The following AUTS2 variants were observed in gnomAD, a reference collection of about 807,000 sequenced individuals.
The protein encoded by AUTS2 is activator of transcription and developmental regulator AUTS2, also known as autism susceptibility gene 2 protein.
Under a neutral mutation model 112.4 loss-of-function variants are expected in AUTS2, and 17 were observed. That is an observed-to-expected ratio of 0.15 (90% CI 0.10 to 0.23). AUTS2 has a LOEUF of 0.23. Ranked by LOEUF, AUTS2 falls within the 10% of genes least tolerant of loss-of-function variation. The pLI is 1.00. For synonymous variants in AUTS2, 751 were observed against 702.7 expected (o/e 1.07, Z -1.09); for missense variants, 1,510 against 1,701.6 (o/e 0.89, Z 1.98).
chr7:69,656,006 G>A (rs1034811709), intron 1 of AUTS2, among the ~76,000 whole-genome samples: 27 of 152,228 alleles, frequency 1.8e-4, no homozygotes, highest in Admixed American at 1.6e-3. Flanking sequence ...TATGCTCATC[G>A]TTGTCAAGAA....
At chr7:69,903,265 G>A (rs756575785) in intron 2 of AUTS2, among the ~76,000 whole-genome samples, 1 of 152,124 alleles carries the variant, frequency 6.6e-6, no homozygotes, top group African/African-American at 2.4e-5. Context: ...TCGCTAAACC[G>A]ATAAGCCAAA....
chr7:70,368,472 G>T (rs1019972420), intron 4 of AUTS2, among the ~76,000 whole-genome samples: 1 of 152,190 alleles, frequency 6.6e-6, no homozygotes, highest in Admixed American at 6.5e-5. Flanking sequence ...GTGATAAAAT[G>T]AGGCATTGGG....
At chr7:70,365,156 G>T (rs1009285770) in intron 4 of AUTS2, among the ~76,000 whole-genome samples, 1 of 152,134 alleles carries the variant, frequency 6.6e-6, no homozygotes, top group African/African-American at 2.4e-5. Context: ...AGGAATAATT[G>T]GTTCAGATTT....
At chr7:69,671,511 G>C (rs1383607166) in intron 1 of AUTS2, among the ~76,000 whole-genome samples, 1 of 151,692 alleles carries the variant, frequency 6.6e-6, no homozygotes, top group African/African-American at 2.4e-5. Flanking sequence ...GTGTGTGTGT[G>C]TGTGTGTGTG....
chr7:70,377,094 T>C (rs1027542954), intron 4 of AUTS2, among the ~76,000 whole-genome samples: 1 of 151,812 alleles, frequency 6.6e-6, no homozygotes, highest in African/African-American at 2.4e-5. Context: ...GTCTTTTTAC[T>C]GTGTTTTCTA....
intron 6 of AUTS2, among the ~76,000 whole-genome samples, chr7:70,731,805 G>A (rs1052084913): frequency 2.0e-5 from 3 of 151,108 alleles, no homozygotes; most frequent in African/African-American, 7.3e-5. Flanking sequence ...CTTCCCCTCC[G>A]CCATCCCCCC....
chr7:70,262,180 G>A (rs755637290), intron 4 of AUTS2, among the ~76,000 whole-genome samples: 5 of 152,146 alleles, frequency 3.3e-5, no homozygotes, highest in Admixed American at 1.3e-4. Context: ...TTTTTTAAAT[G>A]TATGTTTCTT....
At chr7:69,890,671 T>C (rs1794478975) in intron 1 of AUTS2, among the ~76,000 whole-genome samples, 2 of 150,990 alleles carry the variant, frequency 1.3e-5, no homozygotes, top group Non-Finnish European at 2.9e-5. Flanking sequence ...TGAATAATAA[T>C]TGAGAACTGG....
chr7:70,510,904 G>A (rs1585235421), intron 5 of AUTS2, among the ~76,000 whole-genome samples: 1 of 151,622 alleles, frequency 6.6e-6, no homozygotes, highest in African/African-American at 2.4e-5. Context: ...GCTGGAGTGC[G>A]ATGGCGCGAT....
chr7:69,890,206 T>G (rs1157203895), intron 1 of AUTS2, among the ~76,000 whole-genome samples: 2 of 152,152 alleles, frequency 1.3e-5, no homozygotes, highest in African/African-American at 4.8e-5. Context: ...CTCTCAATTA[T>G]CTGTGGGAAT....
chr7:69,824,493 T>C (rs1282192926), intron 1 of AUTS2: 1 of 152,034 alleles, frequency 6.6e-6, no homozygotes, highest in African/African-American at 2.4e-5. Context: ...TCCATTGTTG[T>C]GGCAGAAGTA....
chr7:70,563,489 G>T (rs1312587336), intron 5 of AUTS2, among the ~76,000 whole-genome samples: 1 of 152,162 alleles, frequency 6.6e-6, no homozygotes, highest in Non-Finnish European at 1.5e-5. Context: ...AGATGTCACT[G>T]GTTTTGTCTG....
At chr7:69,720,253 A>G (rs1195722341) in intron 1 of AUTS2, among the ~76,000 whole-genome samples, 1 of 152,210 alleles carries the variant, frequency 6.6e-6, no homozygotes, top group African/African-American at 2.4e-5. Context: ...GTTTTGGTCT[A>G]CATTTTAGGA....
chr7:70,237,719 T>C (rs948310657), intron 4 of AUTS2, among the ~76,000 whole-genome samples: 1 of 152,190 alleles, frequency 6.6e-6, no homozygotes, highest in Non-Finnish European at 1.5e-5. Context: ...TTCAACCCAC[T>C]GGAGTGAATA....
At chr7:70,071,948 A>G (rs1234542862) in intron 2 of AUTS2, among the ~76,000 whole-genome samples, 1 of 151,550 alleles carries the variant, frequency 6.6e-6, no homozygotes, top group Non-Finnish European at 1.5e-5. Flanking sequence ...AGCAGATTGC[A>G]TTGACAAAGC....
intron 2 of AUTS2, among the ~76,000 whole-genome samples, chr7:69,908,083 A>T (rs947334387): frequency 1.3e-5 from 2 of 152,242 alleles, no homozygotes; most frequent in African/African-American, 4.8e-5. Flanking sequence ...TATAGATACA[A>T]TATAACTGCA....
chr7:70,462,067 C>T (rs1223774466), intron 5 of AUTS2, among the ~76,000 whole-genome samples: 4 of 152,018 alleles, frequency 2.6e-5, no homozygotes, highest in African/African-American at 9.7e-5. Flanking sequence ...GCCTGGCCAA[C>T]ATGGTGAAAC....
chr7:70,350,555 A>T (rs1036638589), intron 4 of AUTS2, among the ~76,000 whole-genome samples: 21 of 152,236 alleles, frequency 1.4e-4, no homozygotes, highest in African/African-American at 4.3e-4. Context: ...AGACTTATTC[A>T]CTATCACGAG....
At chr7:70,657,935 A>G (rs1806860963) in intron 5 of AUTS2, among the ~76,000 whole-genome samples, 2 of 152,110 alleles carry the variant, frequency 1.3e-5, no homozygotes, top group African/African-American at 4.8e-5. Flanking sequence ...TTCCCAATCT[A>G]TGGCACATCC....
Sources: gnomAD v4.1 joint callset for allele counts (sites outside exome capture counted in the v4.1 genomes callset) on GRCh38, gnomAD v4.1.1 for gene constraint, MANE v1.5 for transcripts, NCBI Gene and HGNC (gene_info 2026-07-23, HGNC 2026-07-21) for gene names.